RSPH14: variants seen among roughly 807,000 people sequenced by gnomAD.
RSPH14 encodes rhabdoid tumor deletion region gene 1.
A neutral mutation model predicts 26.7 loss-of-function variants in RSPH14; 20 were observed. The observed-to-expected ratio is 0.75, with a 90% CI of 0.53 to 1.09. The LOEUF is 1.09. Ranked by LOEUF, RSPH14 falls within the 50% of genes least tolerant of loss-of-function variation. RSPH14 has a pLI of 0.00. For missense variants in RSPH14, 449 were observed against 457.2 expected (o/e 0.98, Z 0.16); for synonymous variants, 177 against 189.3 (o/e 0.93, Z 0.53).
intron 4 of RSPH14, among the ~76,000 whole-genome samples, chr22:23,077,295 G>A (rs1345157067): frequency 6.6e-6 from 1 of 152,152 alleles, no homozygotes; most frequent in Non-Finnish European, 1.5e-5. Flanking sequence ...AGCAGCTCAG[G>A]TCATTGCTTG....
chr22:23,065,674 G>A (rs1026049198), intron 4 of RSPH14, among the ~76,000 whole-genome samples: 1 of 152,080 alleles, frequency 6.6e-6, no homozygotes, highest in African/African-American at 2.4e-5. Flanking sequence ...CCTGGCAGGG[G>A]GTTGTGGATG....
intron 4 of RSPH14, among the ~76,000 whole-genome samples, chr22:23,098,795 G>T (rs750013954): frequency 2.4e-4 from 36 of 152,250 alleles, no homozygotes; most frequent in Non-Finnish European, 5.1e-4. Flanking sequence ...CCGCAGGCTG[G>T]GCTGGCCCCG....
chr22:23,122,170 T>C (rs2070049858), intron 4 of RSPH14, among the ~76,000 whole-genome samples: 1 of 152,204 alleles, frequency 6.6e-6, no homozygotes, highest in South Asian at 2.1e-4. Flanking sequence ...CTTTTAGAAG[T>C]TAGAATTTAT....
chr22:23,126,445 T>C (rs1180115600), intron 4 of RSPH14, among the ~76,000 whole-genome samples: 2 of 152,142 alleles, frequency 1.3e-5, no homozygotes, highest in Non-Finnish European at 2.9e-5. Flanking sequence ...TCCTTCCCCA[T>C]CCTCACAGCT....
the RSPH14 span, among the ~76,000 whole-genome samples, chr22:23,173,273 T>C: frequency 3.3e-5 from 5 of 152,218 alleles, no homozygotes; most frequent in Admixed American, 2.6e-4. Flanking sequence ...TAGCTGGGAC[T>C]ACAGGTGCCT....
chr22:23,175,040 A>G, the RSPH14 span, among the ~76,000 whole-genome samples: 7 of 150,680 alleles, frequency 4.6e-5, no homozygotes, highest in Non-Finnish European at 8.9e-5. Flanking sequence ...TCTGTCACCC[A>G]GGCTGGAGTG....
At chr22:23,179,511 C>T in the RSPH14 span, among the ~76,000 whole-genome samples, 2 of 152,124 alleles carry the variant, frequency 1.3e-5, no homozygotes, top group African/African-American at 4.8e-5. Flanking sequence ...GCAGGTTGGC[C>T]GCCCCCTTAG....
At chr22:23,078,357 G>T (rs997366136) in intron 4 of RSPH14, among the ~76,000 whole-genome samples, 1 of 152,134 alleles carries the variant, frequency 6.6e-6, no homozygotes, top group Non-Finnish European at 1.5e-5. Context: ...ATAACACCAC[G>T]CACGCAAGCA....
the RSPH14 span, among the ~76,000 whole-genome samples, chr22:23,169,085 A>G: frequency 6.6e-6 from 1 of 152,166 alleles, no homozygotes; most frequent in Admixed American, 6.5e-5. Flanking sequence ...GACCTCATCA[A>G]TAATTGATTC....
intron 6 of RSPH14, 33 bp from the exon 7 acceptor site, chr22:23,059,751 GC>G: frequency 6.7e-7 from 1 of 1,494,804 alleles, no homozygotes; most frequent in Non-Finnish European, 8.9e-7. Context: ...GTTCCAAACA[GC>G]CCAAGGGGCC....
At chr22:23,144,295 G>A (rs1306920463), upstream of RSPH14, among the ~76,000 whole-genome samples, 2 of 151,842 alleles carry the variant, frequency 1.3e-5, no homozygotes, top group African/African-American at 2.4e-5. Flanking sequence ...TTTCCCTGAG[G>A]GTGGACACCA....
chr22:23,145,262 ATCC>A, upstream of RSPH14: 4 of 223,666 alleles, frequency 1.8e-5, no homozygotes, highest in African/African-American at 5.3e-5. Context: ...CCGCCCACCC[ATCC>A]AGCACCGCCC....
chr22:23,158,914 G>A, the RSPH14 span: 2 of 1,614,172 alleles, frequency 1.2e-6, no homozygotes, highest in South Asian at 1.1e-5. Context: ...GTTGGAGGAT[G>A]CTCTGAGGGA....
chr22:23,140,573 C>T, intron 1 of RSPH14, 101 bp from the exon 2 acceptor site: 1 of 1,312,440 alleles, frequency 7.6e-7, no homozygotes, highest in South Asian at 1.5e-5. Flanking sequence ...GGTATTTTTA[C>T]TTTCATTTTA....
At chr22:23,176,561 G>A in the RSPH14 span, among the ~76,000 whole-genome samples, 2 of 151,946 alleles carry the variant, frequency 1.3e-5, no homozygotes, top group African/African-American at 2.4e-5. Flanking sequence ...CTTTGACTCC[G>A]CCAGACTTTG....
Position 23,071,410 on chromosome 22 carries a change from C to T in RSPH14, c.422-7277G>A, listed in dbSNP as rs969783408. On this transcript the variant is annotated intron_variant, in intron 4 of 6. Transcript: ENST00000216036. The surrounding 1 kb of genome is among the most constrained non-coding windows in gnomAD (Gnocchi z 4.1). ...AGCGAGACCAGCGTTCCGCGTAGTC[C>T]GTGTTGGGGTGGAGGGACCCGCCTG... Among the ~76,000 whole-genome samples, 1 of 152,192 alleles carries T rather than the reference C, an allele frequency of 6.6e-6. No homozygotes were observed. The highest frequency in any genetic ancestry group is 6.5e-5 in the Admixed American group (1 of 15,290).
At chr22:23,149,802 A>G (rs1372543371), upstream of RSPH14, among the ~76,000 whole-genome samples, 1 of 152,258 alleles carries the variant, frequency 6.6e-6, no homozygotes, top group Non-Finnish European at 1.5e-5. Context: ...TGCATGCAGC[A>G]AGGGAACTGC....
the RSPH14 span, among the ~76,000 whole-genome samples, chr22:23,158,254 T>C: frequency 6.6e-6 from 1 of 152,130 alleles, no homozygotes; most frequent in African/African-American, 2.4e-5. Context: ...AGCACATGAG[T>C]GTGAGCCCAG....
chr22:23,091,322 A>C (rs1348326786), intron 4 of RSPH14, among the ~76,000 whole-genome samples: 6 of 152,180 alleles, frequency 3.9e-5, no homozygotes, highest in Non-Finnish European at 8.8e-5. Flanking sequence ...ACGCACACAT[A>C]CCGCAATGGA....
Sources: gnomAD v4.1 joint callset for allele counts (sites outside exome capture counted in the v4.1 genomes callset) on GRCh38, gnomAD v4.1.1 for gene constraint, Gnocchi (gnomAD v3.1) non-coding constraint, MANE v1.5 for transcripts, NCBI Gene and HGNC (gene_info 2026-07-23, HGNC 2026-07-21) for gene names.